Variants in PRKCG observed in about 807,000 individuals in gnomAD.
The protein encoded by PRKCG is protein kinase C gamma, also known as protein kinase C gamma type.
In PRKCG, 28 loss-of-function variants were observed where a neutral mutation model predicts 82.0. That is an observed-to-expected ratio of 0.34 (90% CI 0.25 to 0.47). The LOEUF (loss-of-function observed/expected upper bound fraction) is 0.47, where lower values mean the gene tolerates loss of function less well. Among genes scored for constraint, PRKCG ranks in the 20% least tolerant of loss-of-function variants. The pLI is 1.00. For synonymous variants in PRKCG, 383 were observed against 376.6 expected, an observed-to-expected ratio of 1.02 and a Z score of -0.20; for missense variants, 640 against 952.7, an observed-to-expected ratio of 0.67 and a Z score of 4.32.
rs773029795 is a variant in PRKCG at position 53,900,324 on chromosome 19, C to T, written c.1373C>T (p.Ala458Val). ...QLGKFKEPHA[A>V]FYAAEIAIGL... ...GGCAAGTTTAAGGAGCCCCATGCAGCGTGAGTCTCGGCCAACAGAGAATGG... is the reference window on the plus strand; with the variant it reads ...GGCAAGTTTAAGGAGCCCCATGCAGTGTGAGTCTCGGCCAACAGAGAATGG... Residue 458 changes from alanine to valine, a missense_variant and splice_region_variant, in exon 12 of 18, where the codon GCG becomes GTG. Physicochemically the swap from Ala to Val is moderately conservative, Grantham distance 64. Transcript: ENST00000263431. This position sits in a 1 kb window ranked among gnomAD's most constrained non-coding sequence, Gnocchi z 4.2. 2.9e-5 allele frequency: 47 copies of T among 1,613,920 alleles called. No homozygotes were observed. Among genetic ancestry groups the T allele is most frequent in the Middle Eastern group, 3.3e-4 (2 of 6,084 alleles).
chr19:53,885,305 T>C (rs1378266981), intron 3 of PRKCG, among the ~76,000 whole-genome samples: 5 of 152,220 alleles, frequency 3.3e-5, no homozygotes, highest in Admixed American at 6.5e-5. Flanking sequence ...CTCAGCTCAA[T>C]GCAACTTCCG....
rs1052992284 is a variant in PRKCG, at chr19:53,900,053, T to C, written c.1282-180T>C. Among the ~76,000 whole-genome samples the C allele has an allele frequency of 1.8e-4, 28 of 151,706 alleles. No individual in the cohort carries two copies. Among genetic ancestry groups the C allele is most frequent in the African/African-American group, 6.8e-4 (28 of 41,332 alleles). On this transcript the variant is annotated intron_variant, in intron 11 of 17. Coordinates refer to ENST00000263431, the MANE Select transcript of PRKCG (RefSeq NM_002739.5). This position sits in a 1 kb window ranked among gnomAD's most constrained non-coding sequence, Gnocchi z 4.2. ...TGATAGTTGGCGGTGGTCTGGCGGGTGGAGATTCTGAGGTAGCAGGATTAG... is the reference window on the plus strand; with the variant it reads ...TGATAGTTGGCGGTGGTCTGGCGGGCGGAGATTCTGAGGTAGCAGGATTAG...
chr19:53,905,382 T>C (rs1222951885), intron 16 of PRKCG, among the ~76,000 whole-genome samples: 1 of 133,872 alleles, frequency 7.5e-6, no homozygotes, highest in South Asian at 2.4e-4. Context: ...TCCACTCTCA[T>C]ACACACACGC....
Position 53,900,236 on chromosome 19 carries a change from C to T in PRKCG, c.1285C>T (p.Arg429Cys). 2 of 1,613,948 alleles carry T rather than the reference C, an allele frequency of 1.2e-6. No individual in the cohort carries two copies. The highest frequency in any genetic ancestry group is 1.3e-5 in the African/African-American group (1 of 74,982). Reference protein sequence around the residue: ...QLHSTFQTPDRLYFVMEYVTG... With the variant: ...QLHSTFQTPDCLYFVMEYVTG... ...AAGCCCATGCACTTCTCCGCAGGAC[C>T]GCCTGTATTTCGTGATGGAGTACGT... The change falls in exon 12 of 18, where the codon CGC becomes TGC. Residue 429 changes from arginine (R) to cysteine (C), a missense_variant. Arg to Cys is a radical substitution (Grantham distance 180). Around this residue, in one of 7 missense-constraint regions of PRKCG, gnomAD observed 78 missense variants for 105.6 expected, o/e 0.74. Transcript: ENST00000263431. This position sits in a 1 kb window ranked among gnomAD's most constrained non-coding sequence, Gnocchi z 4.2.
At position 53,884,339 on chromosome 19, in the gene PRKCG, G is replaced by T. The variant is rs1274532858; in HGVS notation, c.285+96G>T. The T allele has an allele frequency of 2.3e-5, 27 of 1,172,090 alleles. No individual in the cohort carries two copies. The highest frequency in any genetic ancestry group is 7.3e-5 in the South Asian group (6 of 81,782). The allele number at this position is 1,172,090 out of a possible 1,614,324, so 72.6% of individuals were successfully genotyped here. A position where few individuals can be genotyped will look rare whatever the true frequency, so the allele number is the denominator to read the frequency against. On this transcript the variant is annotated intron_variant, in intron 3 of 17. Coordinates refer to ENST00000263431, the MANE Select transcript of PRKCG (RefSeq NM_002739.5). This position sits in a 1 kb window ranked among gnomAD's most constrained non-coding sequence, Gnocchi z 4.6. ...AATTTCTCCTGCTATTTTTATGGCT[G>T]GGAGGGGAGGGGGGCTGGAGAGATA...
chr19:53,886,627 G>T (rs1391284678), intron 3 of PRKCG, among the ~76,000 whole-genome samples: 2 of 151,000 alleles, frequency 1.3e-5, no homozygotes, highest in East Asian at 4.0e-4. Flanking sequence ...GCCCAGGCTG[G>T]TCTTCAACTC....
chr19:53,897,239 A>C (rs2068724324), intron 9 of PRKCG, among the ~76,000 whole-genome samples: 1 of 152,192 alleles, frequency 6.6e-6, no homozygotes, highest in South Asian at 2.1e-4. Context: ...ATTTATTTTT[A>C]AATTGGCTCC....
intron 11 of PRKCG, among the ~76,000 whole-genome samples, chr19:53,899,863 A>G (rs1276596957): frequency 6.6e-6 from 1 of 152,208 alleles, no homozygotes; most frequent in African/African-American, 2.4e-5. Context: ...CTGGGATTAC[A>G]GGCGTGAGCC....
In PRKCG at chr19:53,906,356, C is replaced by T. The variant is rs1336523588; in HGVS notation, c.1804C>T (p.Pro602Ser). 11 of 1,552,734 alleles carry T rather than the reference C, an allele frequency of 7.1e-6. No individual in the cohort carries two copies. The highest frequency in any genetic ancestry group is 7.8e-6 in the Non-Finnish European group (9 of 1,147,598). ...CCCAGGGAAGCGCCTGGGCTCAGGG[C>T]CTGATGGGGAACCTACCATCCGTGC... Reference protein sequence around the residue: ...KHPGKRLGSGPDGEPTIRAHG... With the variant: ...KHPGKRLGSGSDGEPTIRAHG... Residue 602 changes from proline (P) to serine (S), a missense_variant, in exon 17 of 18, where the codon CCT (proline) becomes TCT (serine). By Grantham distance (74) the Pro-to-Ser change is moderately conservative. Coordinates refer to ENST00000263431, the MANE Select transcript of PRKCG (RefSeq NM_002739.5).
At position 53,907,093 on chromosome 19, in the gene PRKCG, C is replaced by T; in HGVS notation, c.*198C>T. On this transcript the variant is annotated 3_prime_UTR_variant, in exon 18 of 18. Coordinates refer to ENST00000263431, the MANE Select transcript of PRKCG (RefSeq NM_002739.5). ...ACTCCATACAGCCTCTACAGCCGTCCCGCGTTCAAGACTTGAGCGGAGCCC... is the reference window on the plus strand; with the variant it reads ...ACTCCATACAGCCTCTACAGCCGTCTCGCGTTCAAGACTTGAGCGGAGCCC... The T allele has an allele frequency of 7.8e-7, 1 of 1,276,358 alleles. No individual in the cohort carries two copies. Among genetic ancestry groups the T allele is most frequent in the Non-Finnish European group, 1.1e-6 (1 of 937,698 alleles). 79.1% of individuals were successfully genotyped at this position (1,276,358 alleles called of 1,614,324 possible).
chr19:53,900,124 T>C lies in PRKCG; in HGVS notation c.1282-109T>C. 1 of 1,028,412 alleles carries C rather than the reference T, an allele frequency of 9.7e-7. No homozygotes were observed. Among genetic ancestry groups the C allele is most frequent in the Non-Finnish European group, 1.5e-6 (1 of 655,076 alleles). The allele number at this position is 1,028,412 out of a possible 1,614,324, so 63.7% of individuals were successfully genotyped here. ...GATGTGGCTAGGTGCTCTGAATTTC[T>C]GGTTGGGTGCATCTGGAACCTTCCA... is the stretch of plus-strand genomic sequence containing the variant. On this transcript the variant is annotated intron_variant, in intron 11 of 17. Coordinates refer to ENST00000263431, the MANE Select transcript of PRKCG (RefSeq NM_002739.5). This position sits in a 1 kb window ranked among gnomAD's most constrained non-coding sequence, Gnocchi z 4.2.
At chr19:53,897,843 CCT>C (rs1461947656) in intron 9 of PRKCG, 114 bp from the exon 10 acceptor site, 1 of 1,458,266 alleles carries the variant, frequency 6.9e-7, no homozygotes, top group African/African-American at 1.4e-5. Context: ...TGGCCATTTT[CCT>C]CTGTCTAGCG....
chr19:53,906,640 G>T, intron 17 of PRKCG, 67 bp from the exon 18 acceptor site: 1 of 1,574,476 alleles, frequency 6.4e-7, no homozygotes, highest in Non-Finnish European at 8.7e-7. Flanking sequence ...TGAGACTGGG[G>T]TACACAGAGG....
At chr19:53,894,370 T>C (rs2068702769) in intron 9 of PRKCG, among the ~76,000 whole-genome samples, 1 of 152,106 alleles carries the variant, frequency 6.6e-6, no homozygotes, top group Non-Finnish European at 1.5e-5. Context: ...CAGCCGATTC[T>C]TGAGTTTTAA....
At chr19:53,893,527 C>A in intron 9 of PRKCG, 136 bp downstream of exon 9, 1 of 963,712 alleles carries the variant, frequency 1.0e-6, no homozygotes, top group Non-Finnish European at 1.6e-6. Flanking sequence ...CTTGTGCTTG[C>A]TGAATAATCC....
At position 53,903,168 on chromosome 19, in the gene PRKCG, G is replaced by A. The variant is rs758412114; in HGVS notation, c.1656+15G>A. 11 of 1,608,286 alleles carry A rather than the reference G, an allele frequency of 6.8e-6. No homozygotes were observed. The African/African-American group carries it at 1.2e-4, about 18-fold the overall frequency. On this transcript the variant is annotated intron_variant, in intron 15 of 17. Coordinates refer to ENST00000263431, the MANE Select transcript of PRKCG (RefSeq NM_002739.5). The stretch of plus-strand genomic sequence containing the variant: ...TGGCAGGACAGGTAAGGGAAGGTGG[G>A]GAGAAGCTGGCTTGGCTAAAAGAGA...
At chr19:53,890,103 T>G in intron 5 of PRKCG, 86 bp downstream of exon 5, 1 of 1,402,408 alleles carries the variant, frequency 7.1e-7, no homozygotes, top group Non-Finnish European at 9.7e-7. Context: ...GGCCCAGCCC[T>G]ACCCCAAAGA....
At chr19:53,893,259 T>C (rs2068693397) in intron 8 of PRKCG, 103 bp from the exon 9 acceptor site, 4 of 1,377,116 alleles carry the variant, frequency 2.9e-6, no homozygotes, top group Non-Finnish European at 4.1e-6. Context: ...TTATAGTTCC[T>C]ATCTATCGCC....
intron 16 of PRKCG, 102 bp downstream of exon 16, chr19:53,904,844 T>A: frequency 1.1e-6 from 1 of 938,120 alleles, no homozygotes; most frequent in South Asian, 1.4e-5. Context: ...GAAGTCACTT[T>A]ACTTCCATCT....
Sources: gnomAD v4.1 joint callset for allele counts (sites outside exome capture counted in the v4.1 genomes callset) on GRCh38, gnomAD v4.1.1 for gene constraint, gnomAD v4.1.1 regional missense constraint, Gnocchi (gnomAD v3.1) non-coding constraint, MANE v1.5 for transcripts, NCBI Gene and HGNC (gene_info 2026-07-23, HGNC 2026-07-21) for gene names.